The following SORCS3 variants were observed in gnomAD, a reference collection of about 807,000 sequenced individuals.
The protein encoded by SORCS3 is sortilin related VPS10 domain containing receptor 3.
A neutral mutation model predicts 146.3 loss-of-function variants in SORCS3; 57 were observed. The observed-to-expected ratio is 0.39, with a 90% CI of 0.31 to 0.49. The LOEUF (loss-of-function observed/expected upper bound fraction) is 0.49, where lower values mean the gene tolerates loss of function less well. SORCS3 is among the 20% of genes least tolerant of loss of function. The pLI, the probability that SORCS3 is intolerant of heterozygous loss-of-function variation, is 0.92. For missense variants in SORCS3, 1,341 were observed against 1,575.5 expected (o/e 0.85, Z 2.52); for synonymous variants, 653 against 618.5 (o/e 1.06, Z -0.83).
chr10:105,099,750 A>G (rs1030772725), intron 6 of SORCS3, among the ~76,000 whole-genome samples: 1 of 152,156 alleles, frequency 6.6e-6, no homozygotes, highest in African/African-American at 2.4e-5. Flanking sequence ...TTGAGCAGAA[A>G]TACAGCCTCT....
At chr10:105,193,116 C>T (rs546380316) in intron 14 of SORCS3, among the ~76,000 whole-genome samples, 2 of 152,206 alleles carry the variant, frequency 1.3e-5, no homozygotes, top group South Asian at 2.1e-4. Flanking sequence ...TAATTACTCC[C>T]CTTCCTGAAA....
chr10:104,910,737 C>G (rs2018958388), intron 2 of SORCS3, among the ~76,000 whole-genome samples: 1 of 152,220 alleles, frequency 6.6e-6, no homozygotes, highest in African/African-American at 2.4e-5. Context: ...AAAAAAAGAA[C>G]AAGGGATAGA....
chr10:105,129,608 C>A (rs889158334), intron 7 of SORCS3, among the ~76,000 whole-genome samples: 1 of 151,116 alleles, frequency 6.6e-6, no homozygotes, highest in Non-Finnish European at 1.5e-5. Flanking sequence ...AATTCAAGTT[C>A]GTATCTGTCC....
chr10:104,705,275 T>A (rs2016323619), intron 1 of SORCS3, among the ~76,000 whole-genome samples: 1 of 149,868 alleles, frequency 6.7e-6, no homozygotes, highest in Non-Finnish European at 1.5e-5. Flanking sequence ...TTCCGGATTA[T>A]CTTTCTTGTT....
At chr10:104,892,515 A>T (rs1283470585) in intron 2 of SORCS3, among the ~76,000 whole-genome samples, 2 of 152,138 alleles carry the variant, frequency 1.3e-5, no homozygotes, top group African/African-American at 4.8e-5. Flanking sequence ...TGAGGTCAGG[A>T]GTTGAAAACC....
At chr10:104,916,677 C>T in intron 3 of SORCS3, among the ~76,000 whole-genome samples, 1 of 152,102 alleles carries the variant, frequency 6.6e-6, no homozygotes, top group East Asian at 1.9e-4. Flanking sequence ...GCTAAGAAAG[C>T]ACTGCTATTT....
intron 14 of SORCS3, among the ~76,000 whole-genome samples, chr10:105,178,819 G>C (rs1307482448): frequency 6.6e-6 from 1 of 152,102 alleles, no homozygotes; most frequent in African/African-American, 2.4e-5. Context: ...CATTTGGCTG[G>C]AGAACCTTAC....
rs375411051 is a variant in SORCS3 at position 105,005,498 on chromosome 10, G to C, written c.954+28005G>C. On this transcript the variant is annotated intron_variant, in intron 4 of 26. Coordinates refer to ENST00000369701, the MANE Select transcript of SORCS3 (RefSeq NM_014978.3). ...AGAAATACAAAGGCTGAGACTTGGA[G>C]GATGAGTAGTTGCTAGCCAGTGAAG... Among the ~76,000 whole-genome samples, 192 of 152,094 alleles carry C rather than the reference G, an allele frequency of 1.3e-3. 1 individual carries two copies. The highest frequency in any genetic ancestry group is 4.6e-3 in the African/African-American group (189 of 41,428).
At chr10:104,797,101 A>C (rs2017565419) in intron 1 of SORCS3, among the ~76,000 whole-genome samples, 1 of 152,184 alleles carries the variant, frequency 6.6e-6, no homozygotes, top group Non-Finnish European at 1.5e-5. Context: ...GATTCTCAAG[A>C]ATCATTCTGC....
At chr10:104,972,274 TA>T (rs2054865040) in intron 3 of SORCS3, among the ~76,000 whole-genome samples, 1 of 152,184 alleles carries the variant, frequency 6.6e-6, no homozygotes, top group Non-Finnish European at 1.5e-5. Context: ...TGAGGTTAGG[TA>T]ACTTTCTCAA....
chr10:104,830,301 G>T (rs2017985934), intron 1 of SORCS3, among the ~76,000 whole-genome samples: 1 of 152,176 alleles, frequency 6.6e-6, no homozygotes, highest in Non-Finnish European at 1.5e-5. Flanking sequence ...ATACAAGAGT[G>T]CTGGAAAGGC....
At chr10:105,217,400 A>G (rs2056671995) in intron 19 of SORCS3, among the ~76,000 whole-genome samples, 1 of 152,196 alleles carries the variant, frequency 6.6e-6, no homozygotes. Context: ...ACATTCAGGT[A>G]AAAGTCTCCT....
chr10:105,124,102 G>GA (rs1485841127), intron 7 of SORCS3, among the ~76,000 whole-genome samples: 1 of 152,166 alleles, frequency 6.6e-6, no homozygotes, highest in Non-Finnish European at 1.5e-5. Flanking sequence ...GGTCTGGATA[G>GA]AAATCAATCC....
chr10:105,234,010 G>A lies in SORCS3; in HGVS notation c.2868+10761G>A, dbSNP rs542171210. Among the ~76,000 whole-genome samples, 5 of 152,226 alleles carry A rather than the reference G, an allele frequency of 3.3e-5. No homozygotes were observed. The South Asian group carries it at 1.0e-3, about 32-fold the overall frequency. ...CTTTCTTCATGTGGTTCAAGTTTCT[G>A]ACCTATATTTCCTTCTGTCTGAAGA... On this transcript the variant is annotated intron_variant, in intron 20 of 26. Coordinates refer to ENST00000369701, the MANE Select transcript of SORCS3 (RefSeq NM_014978.3).
intron 14 of SORCS3, among the ~76,000 whole-genome samples, chr10:105,182,783 C>T (rs1459949396): frequency 6.6e-6 from 1 of 152,062 alleles, no homozygotes; most frequent in Non-Finnish European, 1.5e-5. Context: ...GCAGCCTTGA[C>T]CTCCCAGGCT....
At chr10:105,132,379 T>C (rs936618680) in intron 7 of SORCS3, among the ~76,000 whole-genome samples, 1 of 152,286 alleles carries the variant, frequency 6.6e-6, no homozygotes, top group South Asian at 2.1e-4. Context: ...CAATATAGAA[T>C]ATAAACTCAA....
intron 6 of SORCS3, among the ~76,000 whole-genome samples, chr10:105,094,962 A>C (rs903597900): frequency 6.6e-6 from 1 of 152,228 alleles, no homozygotes; most frequent in Non-Finnish European, 1.5e-5. Context: ...GCCACAGTTC[A>C]TGCTGCACAC....
At chr10:105,077,058 T>A (rs116283863) in intron 5 of SORCS3, among the ~76,000 whole-genome samples, 2,257 of 152,308 alleles carry the variant, frequency 0.015, 58 homozygotes, top group African/African-American at 0.052. Context: ...ATATTTCATG[T>A]GGCTGCTGCA....
chr10:105,117,122 T>C (rs2055899119), intron 7 of SORCS3, among the ~76,000 whole-genome samples: 1 of 152,070 alleles, frequency 6.6e-6, no homozygotes, highest in African/African-American at 2.4e-5. Flanking sequence ...TCTACATGAA[T>C]TTTCATAGGC....
Sources: gnomAD v4.1 joint callset for allele counts (sites outside exome capture counted in the v4.1 genomes callset) on GRCh38, gnomAD v4.1.1 for gene constraint, MANE v1.5 for transcripts, NCBI Gene and HGNC (gene_info 2026-07-23, HGNC 2026-07-21) for gene names.